OR8D4: variants seen among roughly 807,000 people sequenced by gnomAD.
OR8D4 encodes olfactory receptor family 8 subfamily D member 4.
For missense variants in OR8D4, 359 were observed against 372.6 expected (o/e 0.96, Z 0.30); for synonymous variants, 141 against 134.8 (o/e 1.05, Z -0.32).
At chr11:123,905,455 A>C (rs978444547) in intron 1 of OR8D4, among the ~76,000 whole-genome samples, 2 of 152,322 alleles carry the variant, frequency 1.3e-5, no homozygotes, top group East Asian at 3.9e-4. Flanking sequence ...CAGTTTAACT[A>C]TGTAATTCAG....
At chr11:123,906,310 T>G in intron 1 of OR8D4, 107 bp from the exon 2 acceptor site, 2 of 697,494 alleles carry the variant, frequency 2.9e-6, no homozygotes, top group Non-Finnish European at 2.3e-6. Context: ...CACTTTTTGG[T>G]TTTCGTAACA....
At chr11:123,905,498 A>T (rs988336896) in intron 1 of OR8D4, among the ~76,000 whole-genome samples, 1 of 152,178 alleles carries the variant, frequency 6.6e-6, no homozygotes, top group Non-Finnish European at 1.5e-5. Context: ...TCAGATACTT[A>T]TTTAATGTAA....
Position 123,907,404 on chromosome 11 carries a change from G to C in OR8D4, c.*28G>C, listed in dbSNP as rs1402099592. 1.1e-6 allele frequency: 1 copy of C among 915,376 alleles called. No individual in the cohort carries two copies. Among genetic ancestry groups the C allele is most frequent in the African/African-American group, 1.7e-5 (1 of 59,672 alleles). 56.7% of individuals were successfully genotyped at this position (915,376 alleles called of 1,614,324 possible). On this transcript the variant is annotated 3_prime_UTR_variant, in exon 2 of 2. Coordinates refer to ENST00000641687, the MANE Select transcript of OR8D4 (RefSeq NM_001005197.2). ...ATGCTCTTTATTAAGATCTATTTCT[G>C]TATTCATAATCATGATTATATGTAT...
chr11:123,906,372 A>T, intron 1 of OR8D4, 45 bp from the exon 2 acceptor site: 1 of 1,197,916 alleles, frequency 8.3e-7, no homozygotes. Flanking sequence ...TTTCTATAGA[A>T]ACAAACACTG....
intron 1 of OR8D4, among the ~76,000 whole-genome samples, chr11:123,903,362 C>G (rs1863176372): frequency 6.6e-6 from 1 of 151,980 alleles, no homozygotes; most frequent in Non-Finnish European, 1.5e-5. Context: ...TCTTTTTATT[C>G]TGACTTTTTA....
rs551102851 is a variant in OR8D4, at chr11:123,907,428, A to G, written c.*52A>G. ...TGTATTCATAATCATGATTATATGT[A>G]TATATTTATACCTTGACTATTTAAA... On this transcript the variant is annotated 3_prime_UTR_variant, in exon 2 of 2. Transcript: ENST00000641687. 1.2e-5 allele frequency: 9 copies of G among 770,266 alleles called. No individual in the cohort carries two copies. In the African/African-American group the frequency reaches 1.4e-4, roughly 12 times the overall value. The allele number at this position is 770,266 out of a possible 1,614,324, so 47.7% of individuals were successfully genotyped here. A position where few individuals can be genotyped will look rare whatever the true frequency, so the allele number is the denominator to read the frequency against.
At position 123,907,581 on chromosome 11, in the gene OR8D4, T is replaced by C. The variant is rs1863216073; in HGVS notation, c.*205T>C. The C allele has an allele frequency of 3.8e-6, 1 of 260,838 alleles. No homozygotes were observed. Among genetic ancestry groups the C allele is most frequent in the Non-Finnish European group, 7.2e-6 (1 of 138,600 alleles). 16.2% of individuals were successfully genotyped at this position (260,838 alleles called of 1,614,324 possible). A position where few individuals can be genotyped will look rare whatever the true frequency, so the allele number is the denominator to read the frequency against. Reference sequence around the variant, plus strand: ...CCAAGATGATGAAACCCCATCACTATTAAAATTACAAAAAAATTAGCAGGG... The same window carrying C: ...CCAAGATGATGAAACCCCATCACTACTAAAATTACAAAAAAATTAGCAGGG... On this transcript the variant is annotated 3_prime_UTR_variant, in exon 2 of 2. Transcript: ENST00000641687.
Position 123,906,314 on chromosome 11 carries a change from C to T in OR8D4, c.-15-103C>T, listed in dbSNP as rs139789045. 2.0e-4 allele frequency: 140 copies of T among 714,762 alleles called. 1 individual carries two copies. In the East Asian group the frequency reaches 3.0e-3, roughly 15 times the overall value. The allele number at this position is 714,762 out of a possible 1,614,324, so 44.3% of individuals were successfully genotyped here. Reference sequence around the variant, plus strand: ...ATCTGAGTGTTCACTTTTTGGTTTTCGTAACACAAAGTCAGTGTTTTCATA... The same window carrying T: ...ATCTGAGTGTTCACTTTTTGGTTTTTGTAACACAAAGTCAGTGTTTTCATA... On this transcript the variant is annotated intron_variant, in intron 1 of 1. Transcript: ENST00000641687.
At position 123,906,602 on chromosome 11, in the gene OR8D4, C is replaced by A. The variant is rs79929702; in HGVS notation, c.171C>A (p.Thr57=). Residue 57 remains threonine, a synonymous_variant, in exon 2 of 2, where the codon ACC becomes ACA. Transcript: ENST00000641687. The part of the protein sequence containing the change: ...SIIRLNRQLH[T]PMYYFLSSLS... ...TTAGGCTGAATCGTCAACTTCATAC[C>A]CCCATGTACTATTTCCTGAGTAGTT... The A allele has an allele frequency of 1.2e-6, 2 of 1,613,768 alleles. No individual in the cohort carries two copies. The highest frequency in any genetic ancestry group is 1.1e-5 in the South Asian group (1 of 91,080).
At chr11:123,906,118 G>A in intron 1 of OR8D4, 1 of 256,998 alleles carries the variant, frequency 3.9e-6, no homozygotes. Flanking sequence ...CCAGTGGCTG[G>A]CATTTCTCCA....
chr11:123,907,296 A>C lies in OR8D4; in HGVS notation c.865A>C (p.Ile289Leu), dbSNP rs772051731. The change falls in exon 2 of 2, where the codon ATA becomes CTA. Residue 289 changes from isoleucine (I) to leucine (L), a missense_variant. Ile to Leu is a conservative substitution (Grantham distance 5, BLOSUM62 2). Transcript: ENST00000641687. Reference protein sequence around the residue: ...TTVILMLNPLIYSLRNNEVRN... With the variant: ...TTVILMLNPLLYSLRNNEVRN... ...TGTGATTCTCATGTTGAATCCCTTG[A>C]TATATAGTCTGAGGAACAATGAAGT... 7.5e-6 allele frequency: 12 copies of C among 1,592,900 alleles called. No homozygotes were observed. Among genetic ancestry groups the C allele is most frequent in the Non-Finnish European group, 1.0e-5 (12 of 1,164,138 alleles).
intron 1 of OR8D4, among the ~76,000 whole-genome samples, chr11:123,905,627 G>A (rs1241585560): frequency 6.6e-6 from 1 of 152,190 alleles, no homozygotes; most frequent in Non-Finnish European, 1.5e-5. Flanking sequence ...CCTGGAGGAA[G>A]AGTCAGCCTT....
In OR8D4 at chr11:123,906,408, T is replaced by G. The variant is rs1291574161; in HGVS notation, c.-15-9T>G. The G allele has an allele frequency of 1.4e-6, 2 of 1,473,490 alleles. No homozygotes were observed. Among genetic ancestry groups the G allele is most frequent in the Admixed American group, 3.9e-5 (2 of 51,200 alleles). The allele number at this position is 1,473,490 out of a possible 1,614,324, so 91.3% of individuals were successfully genotyped here. On this transcript the variant is annotated splice_polypyrimidine_tract_variant and intron_variant, in intron 1 of 1. Transcript: ENST00000641687. ...ATAGAATTTGACTTTTTCTCTCTCA[T>G]CTCCACAGATTTCTCAGAGAAGAAT...
In OR8D4 at chr11:123,907,970, T is replaced by G. The variant is rs1863220238; in HGVS notation, c.*594T>G. On this transcript the variant is annotated 3_prime_UTR_variant, in exon 2 of 2. Transcript: ENST00000641687. ...ATCCAAGCCCAAAAGGAAATCATCA[T>G]CATGGTGTACTGCATAGTCATATCA... is the stretch of plus-strand genomic sequence containing the variant. The G allele has an allele frequency of 6.6e-6, 1 of 152,114 alleles. No homozygotes were observed. Among genetic ancestry groups the G allele is most frequent in the African/African-American group, 2.4e-5 (1 of 41,436 alleles). The allele number at this position is 152,114 out of a possible 1,614,324, so 9.4% of individuals were successfully genotyped here. A position where few individuals can be genotyped will look rare whatever the true frequency, so the allele number is the denominator to read the frequency against.
At chr11:123,905,128 G>A (rs937136513) in intron 1 of OR8D4, among the ~76,000 whole-genome samples, 4 of 152,204 alleles carry the variant, frequency 2.6e-5, no homozygotes, top group Non-Finnish European at 5.9e-5. Context: ...CTTGGCGAGA[G>A]ATGTAGCCTT....
intron 1 of OR8D4, among the ~76,000 whole-genome samples, chr11:123,905,894 T>G (rs1356246770): frequency 6.6e-6 from 1 of 152,150 alleles, no homozygotes; most frequent in Non-Finnish European, 1.5e-5. Context: ...CACCTGCAAA[T>G]TAGCTCCCTG....
Position 123,907,427 on chromosome 11 carries a change from T to C in OR8D4, c.*51T>C, listed in dbSNP as rs1387674694. ...CTGTATTCATAATCATGATTATATG[T>C]ATATATTTATACCTTGACTATTTAA... On this transcript the variant is annotated 3_prime_UTR_variant, in exon 2 of 2. Coordinates refer to ENST00000641687, the MANE Select transcript of OR8D4 (RefSeq NM_001005197.2). 2 of 770,658 alleles carry C rather than the reference T, an allele frequency of 2.6e-6. No individual in the cohort carries two copies. The highest frequency in any genetic ancestry group is 2.7e-5 in the East Asian group (1 of 36,724). 47.7% of individuals were successfully genotyped at this position (770,658 alleles called of 1,614,324 possible). A position where few individuals can be genotyped will look rare whatever the true frequency, so the allele number is the denominator to read the frequency against.
rs777891511 is a variant in OR8D4, at chr11:123,907,130, C to G, written c.699C>G (p.Gly233=). The change falls in exon 2 of 2, where the codon GGC becomes GGG. Residue 233 remains glycine, a synonymous_variant. Transcript: ENST00000641687. ...TSILRIHSKK[G]RCKAFSTCSS... ...TCCTGCGCATCCACTCTAAAAAGGG[C>G]AGGTGCAAAGCGTTTAGCACCTGTA... 3 of 1,613,818 alleles carry G rather than the reference C, an allele frequency of 1.9e-6. No homozygotes were observed. In the Admixed American group the frequency reaches 5.0e-5, roughly 27 times the overall value.
At position 123,906,688 on chromosome 11, in the gene OR8D4, T is replaced by A; in HGVS notation, c.257T>A (p.Leu86Ter). 3 of 1,613,934 alleles carry A rather than the reference T, an allele frequency of 1.9e-6. No homozygotes were observed. The highest frequency in any genetic ancestry group is 2.5e-6 in the Non-Finnish European group (3 of 1,179,778). The change falls in exon 2 of 2, where the codon TTA becomes TAA. Residue 86 changes from leucine to a stop codon, truncating the protein, a stop_gained. Transcript: ENST00000641687. LOFTEE classifies it low-confidence loss of function (END_TRUNC). Reference protein sequence around the residue: ...VITPKMLSGFLCRDRSISYSG... With the variant: ...VITPKMLSGF ...ACCCCTAAAATGCTATCAGGGTTTTTATGCAGAGATAGATCCATCTCCTAT... is the reference window on the plus strand; with the variant it reads ...ACCCCTAAAATGCTATCAGGGTTTTAATGCAGAGATAGATCCATCTCCTAT...
Sources: gnomAD v4.1 joint callset for allele counts (sites outside exome capture counted in the v4.1 genomes callset) on GRCh38, gnomAD v4.1.1 for gene constraint, MANE v1.5 for transcripts, NCBI Gene and HGNC (gene_info 2026-07-23, HGNC 2026-07-21) for gene names.